The following ATG7 variants were observed in gnomAD, a reference collection of about 807,000 sequenced individuals.
ATG7 encodes autophagy related 7.
In ATG7, 70 loss-of-function variants were observed where a neutral mutation model predicts 82.4. The observed-to-expected ratio is 0.85, with a 90% CI of 0.70 to 1.04. ATG7 has a LOEUF of 1.04. Among genes scored for constraint, ATG7 ranks in the 50% least tolerant of loss-of-function variants. The probability of loss-of-function intolerance (pLI) is 0.00; values close to 1 mark genes in which losing one functional copy is unlikely to be tolerated. For synonymous variants in ATG7, 287 were observed against 313.0 expected, an observed-to-expected ratio of 0.92 and a Z score of 0.88; for missense variants, 792 against 864.3, an observed-to-expected ratio of 0.92 and a Z score of 1.05.
At chr3:11,544,212 A>T (rs2071079415) in intron 20 of ATG7, among the ~76,000 whole-genome samples, 1 of 152,276 alleles carries the variant, frequency 6.6e-6, no homozygotes, top group South Asian at 2.1e-4. Context: ...CCATGCTGCG[A>T]TGGGGCTCCG....
At chr3:11,484,396 A>G (rs148153415) in intron 20 of ATG7, among the ~76,000 whole-genome samples, 113 of 151,704 alleles carry the variant, frequency 7.4e-4, no homozygotes, top group South Asian at 1.7e-3. Context: ...GTCTCAAAAA[A>G]TGAAAAAACA....
intron 19 of ATG7, among the ~76,000 whole-genome samples, chr3:11,421,333 C>T (rs1168305229): frequency 1.3e-5 from 2 of 152,186 alleles, no homozygotes; most frequent in Non-Finnish European, 2.9e-5. Flanking sequence ...TGGAGTTGTC[C>T]TCTCAAATGC....
chr3:11,301,472 A>G (rs1182795450), intron 5 of ATG7, among the ~76,000 whole-genome samples: 3 of 152,182 alleles, frequency 2.0e-5, no homozygotes, highest in African/African-American at 7.2e-5. Flanking sequence ...CAGAAAATCA[A>G]TACTTTTTTT....
intron 20 of ATG7, among the ~76,000 whole-genome samples, chr3:11,467,303 A>T (rs1025804381): frequency 3.3e-5 from 5 of 152,066 alleles, no homozygotes; most frequent in African/African-American, 1.2e-4. Flanking sequence ...TCTTTGAACA[A>T]CTCACCTAAC....
intron 20 of ATG7, among the ~76,000 whole-genome samples, chr3:11,448,517 C>T (rs774861750): frequency 3.3e-5 from 5 of 152,182 alleles, no homozygotes; most frequent in Non-Finnish European, 4.4e-5. Flanking sequence ...ACTTACTTGC[C>T]GTGCTGAAAC....
At chr3:11,558,296 A>C, downstream of ATG7, 2 of 568,620 alleles carry the variant, frequency 3.5e-6, no homozygotes, top group East Asian at 3.0e-5. Context: ...TTTCTTTGGT[A>C]ACTGAGGCAG....
chr3:11,318,372 G>T (rs968019625), intron 9 of ATG7, among the ~76,000 whole-genome samples: 1 of 152,214 alleles, frequency 6.6e-6, no homozygotes, highest in African/African-American at 2.4e-5. Flanking sequence ...AAATTAAGGA[G>T]AAATTCAAGT....
intron 14 of ATG7, among the ~76,000 whole-genome samples, chr3:11,355,876 C>T (rs1295498877): frequency 9.2e-5 from 14 of 152,142 alleles, no homozygotes; most frequent in Non-Finnish European, 1.3e-4. Context: ...AACATATATA[C>T]ATGAAAATAC....
At chr3:11,536,412 C>T (rs1473652181) in intron 20 of ATG7, among the ~76,000 whole-genome samples, 1 of 152,236 alleles carries the variant, frequency 6.6e-6, no homozygotes, top group African/African-American at 2.4e-5. Context: ...GGCCAGCGCC[C>T]TGTTCCCACA....
intron 20 of ATG7, among the ~76,000 whole-genome samples, chr3:11,458,830 G>A (rs568469840): frequency 6.6e-5 from 10 of 152,292 alleles, no homozygotes; most frequent in Admixed American, 4.6e-4. Context: ...GAACCCGATC[G>A]CGCAGCTGTA....
intron 19 of ATG7, among the ~76,000 whole-genome samples, chr3:11,416,047 T>C (rs1248705617): frequency 6.6e-6 from 1 of 152,226 alleles, no homozygotes; most frequent in Non-Finnish European, 1.5e-5. Flanking sequence ...GACCACCCAT[T>C]GTATATGCAG....
At chr3:11,553,961 G>A (rs2072103622) in intron 20 of ATG7, among the ~76,000 whole-genome samples, 2 of 152,198 alleles carry the variant, frequency 1.3e-5, no homozygotes, top group African/African-American at 4.8e-5. Context: ...TTGGAAGTCT[G>A]AAGGCGTAGG....
chr3:11,529,602 G>A (rs73123024), intron 20 of ATG7: 4,310 of 156,226 alleles, frequency 0.028, 221 homozygotes, highest in African/African-American at 0.098. Flanking sequence ...TATCAGCAAC[G>A]TGAAGTTTGT....
chr3:11,379,633 C>T, intron 18 of ATG7, among the ~76,000 whole-genome samples: 1 of 152,104 alleles, frequency 6.6e-6, no homozygotes, highest in East Asian at 1.9e-4. Flanking sequence ...TTGAGTATAC[C>T]AGTGGACCTG....
At chr3:11,315,581 C>T in intron 9 of ATG7, 88 bp downstream of exon 9, 1 of 1,208,420 alleles carries the variant, frequency 8.3e-7, no homozygotes, top group East Asian at 2.7e-5. Flanking sequence ...AAAATTCAAA[C>T]TTGTTTAGAT....
rs75483053 is a variant in ATG7, at chr3:11,309,460, T to G, written c.411+399T>G. 3.3e-3 allele frequency among the ~76,000 whole-genome samples: 498 copies of G among 151,772 alleles called. 1 individual carries two copies. The highest frequency in any genetic ancestry group is 7.4e-3 in the African/African-American group (306 of 41,394). The stretch of plus-strand genomic sequence containing the variant: ...ACAAAATCGCTTGTTGATTTTTTTT[T>G]TTTGTTTTTTTAAAGACAGAAACAT... On this transcript the variant is annotated intron_variant, in intron 7 of 20. Coordinates refer to ENST00000693202, the MANE Select transcript of ATG7 (RefSeq NM_001349232.2).
At chr3:11,554,688 T>C in intron 20 of ATG7, 123 bp from the exon 21 acceptor site, 1 of 1,214,056 alleles carries the variant, frequency 8.2e-7, no homozygotes, top group Non-Finnish European at 1.2e-6. Flanking sequence ...TGACAGTCCC[T>C]CAGAAACAAG....
chr3:11,343,264 T>C (rs1575582787), intron 13 of ATG7, among the ~76,000 whole-genome samples: 3 of 152,300 alleles, frequency 2.0e-5, no homozygotes, highest in Middle Eastern at 6.8e-3. Flanking sequence ...CTTCCAAAAA[T>C]GTTACACATA....
chr3:11,458,826 G>A (rs999465841), intron 20 of ATG7, among the ~76,000 whole-genome samples: 5 of 152,192 alleles, frequency 3.3e-5, no homozygotes, highest in African/African-American at 9.6e-5. Flanking sequence ...TTAGGAACCC[G>A]ATCGCGCAGC....
Sources: allele counts gnomAD v4.1 joint callset (sites outside exome capture counted in the v4.1 genomes callset), GRCh38; gene constraint gnomAD v4.1.1; transcripts MANE v1.5; gene names NCBI Gene and HGNC (gene_info 2026-07-23, HGNC 2026-07-21).